The following NUDT19 variants were observed in gnomAD, a reference collection of about 807,000 sequenced individuals.
The protein encoded by NUDT19 is nudix hydrolase 19.
In NUDT19, 31 loss-of-function variants were observed where a neutral mutation model predicts 22.2. The observed-to-expected ratio is 1.40, with a 90% CI of 1.05 to 1.89. The LOEUF (loss-of-function observed/expected upper bound fraction) is 1.89, where lower values mean the gene tolerates loss of function less well. Among genes scored for constraint, NUDT19 ranks in the 40% most tolerant of loss-of-function variants. The probability of loss-of-function intolerance (pLI) is 0.00; values close to 1 mark genes in which losing one functional copy is unlikely to be tolerated. For missense variants in NUDT19, 752 were observed against 514.2 expected (o/e 1.46, Z -4.47); for synonymous variants, 325 against 230.8 (o/e 1.41, Z -3.70).
intron 1 of NUDT19, among the ~76,000 whole-genome samples, chr19:32,706,574 T>C (rs938470176): frequency 6.6e-6 from 1 of 151,924 alleles, no homozygotes; most frequent in African/African-American, 2.4e-5. Flanking sequence ...TCCCAGCTAC[T>C]CGGGAGGCTG....
At chr19:32,695,004 A>C (rs1192610828) in intron 1 of NUDT19, among the ~76,000 whole-genome samples, 1 of 152,086 alleles carries the variant, frequency 6.6e-6, no homozygotes, top group African/African-American at 2.4e-5. Flanking sequence ...AGACCTTCAG[A>C]TTTAGATCCC....
intron 1 of NUDT19, among the ~76,000 whole-genome samples, chr19:32,707,393 G>C (rs566603577): frequency 2.0e-5 from 3 of 152,152 alleles, no homozygotes; most frequent in Non-Finnish European, 4.4e-5. Flanking sequence ...GAATGTGAAG[G>C]CTTCACAGAC....
In NUDT19 at chr19:32,711,961, G is replaced by A. The variant is rs775246374; in HGVS notation, c.*4G>A. On this transcript the variant is annotated 3_prime_UTR_variant, in exon 3 of 3. Transcript: ENST00000397061. ...AGTAAGAAAAAGCCATTTGTAGGGT[G>A]CTTAAGCTTGTTTGTAAAATGGCCT... 2.5e-6 allele frequency: 4 copies of A among 1,598,412 alleles called. No homozygotes were observed. The South Asian group carries it at 3.3e-5, about 13-fold the overall frequency.
In NUDT19 at chr19:32,692,128, GC is replaced by G. The variant is rs2145352450; in HGVS notation, c.170del (p.Pro57ArgfsTer66). On this transcript the variant is annotated frameshift_variant, in exon 1 of 3. Transcript: ENST00000397061. LOFTEE classifies it high-confidence loss of function. ...LQRSPHQGFM[P>X]GAHVFSGGVL... ...AGCGCTCCCCGCACCAAGGCTTCAT[GC>G]CGGGCGCGCACGTCTTCTCCGGCGG... 6.8e-7 allele frequency: 1 copy of G among 1,472,014 alleles called. No individual in the cohort carries two copies. Among genetic ancestry groups the G allele is most frequent in the South Asian group, 1.3e-5 (1 of 75,682 alleles). The allele number at this position is 1,472,014 out of a possible 1,614,324, so 91.2% of individuals were successfully genotyped here.
intron 1 of NUDT19, among the ~76,000 whole-genome samples, chr19:32,692,980 G>T (rs534215299): frequency 5.3e-5 from 8 of 152,326 alleles, no homozygotes; most frequent in East Asian, 1.9e-4. Context: ...CTCCACAGCC[G>T]TTTAATTTGG....
Position 32,692,635 on chromosome 19 carries a change from GC to G in NUDT19, c.678del (p.Val227SerfsTer38). ...TCCTGTGCTGCCTGCGCGAGCCGCC[GC>G]CCGTCTACCCCGACTTGGCGGAGGT... ...FFLCCLREPPPVYPDLAEVVG... is the reference protein window; with the variant it reads ...FFLCCLREPPXVYPDLAEVVG... On this transcript the variant is annotated frameshift_variant, in exon 1 of 3. Coordinates refer to ENST00000397061, the MANE Select transcript of NUDT19 (RefSeq NM_001105570.2). LOFTEE classifies it high-confidence loss of function. 6.5e-7 allele frequency: 1 copy of G among 1,532,366 alleles called. No homozygotes were observed. The highest frequency in any genetic ancestry group is 2.0e-4 in the Middle Eastern group (1 of 4,914). The allele number at this position is 1,532,366 out of a possible 1,614,324, so 94.9% of individuals were successfully genotyped here.
At chr19:32,701,322 C>T (rs1245379010) in intron 1 of NUDT19, among the ~76,000 whole-genome samples, 5 of 150,348 alleles carry the variant, frequency 3.3e-5, no homozygotes, top group African/African-American at 1.2e-4. Context: ...TCTCCTTCCT[C>T]AGTCTCCCAA....
chr19:32,692,998 G>C (rs1475487270), intron 1 of NUDT19, among the ~76,000 whole-genome samples: 1 of 151,846 alleles, frequency 6.6e-6, no homozygotes, highest in African/African-American at 2.4e-5. Flanking sequence ...TGGTTTTCTT[G>C]GAGAACAGAC....
In NUDT19 at chr19:32,713,575, T is replaced by C. The variant is rs1968470687; in HGVS notation, c.*1618T>C. ...TGTAGTGTTTGATTAATGATGTTTATTTTTACTGTATTTAATATGAGTAAT... is the reference window on the plus strand; with the variant it reads ...TGTAGTGTTTGATTAATGATGTTTACTTTTACTGTATTTAATATGAGTAAT... On this transcript the variant is annotated 3_prime_UTR_variant, in exon 3 of 3. Coordinates refer to ENST00000397061, the MANE Select transcript of NUDT19 (RefSeq NM_001105570.2). The C allele has an allele frequency of 6.6e-6, 1 of 152,220 alleles. No individual in the cohort carries two copies. The highest frequency in any genetic ancestry group is 2.4e-5 in the African/African-American group (1 of 41,458). The allele number at this position is 152,220 out of a possible 1,614,324, so 9.4% of individuals were successfully genotyped here.
chr19:32,697,905 G>T (rs1416798973), intron 1 of NUDT19, among the ~76,000 whole-genome samples: 1 of 152,128 alleles, frequency 6.6e-6, no homozygotes, highest in Admixed American at 6.6e-5. Flanking sequence ...ACCTAGGTTG[G>T]GCCAAATTCC....
chr19:32,699,920 C>A (rs1486529671), intron 1 of NUDT19, among the ~76,000 whole-genome samples: 2 of 152,016 alleles, frequency 1.3e-5, no homozygotes, highest in African/African-American at 2.4e-5. Flanking sequence ...AAGCCACAGA[C>A]CTTTGCAGTG....
At position 32,693,177 on chromosome 19, in the gene NUDT19, G is replaced by A. The variant is rs184590528; in HGVS notation, c.714+503G>A. 7.2e-5 allele frequency among the ~76,000 whole-genome samples: 11 copies of A among 152,302 alleles called. No individual in the cohort carries two copies. The East Asian group carries it at 9.6e-4, about 13-fold the overall frequency. On this transcript the variant is annotated intron_variant, in intron 1 of 2. Transcript: ENST00000397061. ...TTTAAGAATAAAGCCGCGGACCCTC[G>A]AAGTGAGTGTTACAGTTCTTAAAGA... is the stretch of plus-strand genomic sequence containing the variant.
chr19:32,700,686 T>C (rs1007653509), intron 1 of NUDT19, among the ~76,000 whole-genome samples: 2 of 152,156 alleles, frequency 1.3e-5, no homozygotes, highest in African/African-American at 4.8e-5. Context: ...AGCTTCAGCC[T>C]CCCAAAGTCT....
intron 1 of NUDT19, among the ~76,000 whole-genome samples, chr19:32,696,707 A>G (rs1968267908): frequency 6.6e-6 from 1 of 152,226 alleles, no homozygotes; most frequent in South Asian, 2.1e-4. Context: ...AAGTCTCCCA[A>G]TTACAACTGA....
chr19:32,711,430 T>A (rs1037865087), intron 2 of NUDT19, among the ~76,000 whole-genome samples: 10 of 152,122 alleles, frequency 6.6e-5, no homozygotes, highest in Admixed American at 2.6e-4. Context: ...GCCACTGCAC[T>A]CTAGCCTGGG....
intron 1 of NUDT19, among the ~76,000 whole-genome samples, chr19:32,693,630 A>G (rs1968230498): frequency 6.6e-6 from 1 of 151,762 alleles, no homozygotes. Context: ...CCATTTTTAC[A>G]GAGTGCGGAT....
chr19:32,701,538 G>C (rs1023013250), intron 1 of NUDT19, among the ~76,000 whole-genome samples: 1 of 152,138 alleles, frequency 6.6e-6, no homozygotes, highest in Non-Finnish European at 1.5e-5. Flanking sequence ...GTTTCATCAG[G>C]TGCTGAGAGA....
chr19:32,699,276 G>A (rs1663075979), intron 1 of NUDT19, among the ~76,000 whole-genome samples: 1 of 152,210 alleles, frequency 6.6e-6, no homozygotes, highest in African/African-American at 2.4e-5. Flanking sequence ...AGAAAGGCGA[G>A]AGGAAGTTTG....
intron 1 of NUDT19, among the ~76,000 whole-genome samples, chr19:32,702,316 A>G (rs936294829): frequency 4.6e-5 from 7 of 152,228 alleles, no homozygotes; most frequent in Admixed American, 3.9e-4. Context: ...CACATGAGTA[A>G]ACAAGCTAGT....
Sources: gnomAD v4.1 joint callset for allele counts (sites outside exome capture counted in the v4.1 genomes callset) on GRCh38, gnomAD v4.1.1 for gene constraint, MANE v1.5 for transcripts, NCBI Gene and HGNC (gene_info 2026-07-23, HGNC 2026-07-21) for gene names.